NOX5: variants seen among roughly 807,000 people sequenced by gnomAD.
NOX5 encodes NADPH oxidase 5, also known as NADPH oxidase, EF-hand calcium binding domain 5.
A neutral mutation model predicts 85.7 loss-of-function variants in NOX5; 76 were observed. The observed-to-expected ratio is 0.89, with a 90% CI of 0.74 to 1.07. The LOEUF (loss-of-function observed/expected upper bound fraction) is 1.07. Among genes scored for constraint, NOX5 ranks in the 50% least tolerant of loss-of-function variants. The pLI is 0.00. For synonymous variants in NOX5, 405 were observed against 401.4 expected, an observed-to-expected ratio of 1.01 and a Z score of -0.11; for missense variants, 973 against 999.5, an observed-to-expected ratio of 0.97 and a Z score of 0.36.
At chr15:69,021,952 G>A (rs2050300582) in intron 1 of NOX5, among the ~76,000 whole-genome samples, 1 of 152,192 alleles carries the variant, frequency 6.6e-6, no homozygotes, top group African/African-American at 2.4e-5. Flanking sequence ...AGAGGAGCCT[G>A]GGAGAATTTG....
intron 3 of NOX5, 81 bp from the exon 4 acceptor site, chr15:69,031,437 G>A (rs970338530): frequency 2.2e-4 from 324 of 1,459,826 alleles, no homozygotes; most frequent in Non-Finnish European, 2.9e-4. Context: ...TCCTTCAGTT[G>A]CATGGTCTAT....
At position 69,058,164 on chromosome 15, in the gene NOX5, AT is replaced by A. The variant is rs1349412466; in HGVS notation, c.*1469del. Reference sequence around the variant, plus strand: ...TGGGGTTGGAACCAGGCACTTTCCAATGGGATTGTAGCTGGCACCTTTCTTT... The same window carrying A: ...TGGGGTTGGAACCAGGCACTTTCCAAGGGATTGTAGCTGGCACCTTTCTTT... On this transcript the variant is annotated 3_prime_UTR_variant, in exon 16 of 16. Transcript: ENST00000388866. 6.6e-6 allele frequency: 1 copy of A among 152,330 alleles called. No homozygotes were observed. The highest frequency in any genetic ancestry group is 1.5e-5 in the Non-Finnish European group (1 of 68,192). The allele number at this position is 152,330 out of a possible 1,614,324, so 9.4% of individuals were successfully genotyped here.
At chr15:69,050,455 A>G (rs2050733716) in intron 14 of NOX5, among the ~76,000 whole-genome samples, 1 of 152,120 alleles carries the variant, frequency 6.6e-6, no homozygotes, top group African/African-American at 2.4e-5. Flanking sequence ...CCCAGGTGCA[A>G]TCTCGGCTCA....
chr15:69,055,765 TC>T (rs1234443437), intron 15 of NOX5, among the ~76,000 whole-genome samples: 5 of 152,160 alleles, frequency 3.3e-5, no homozygotes, highest in African/African-American at 4.8e-5. Context: ...CAGCCTTGAC[TC>T]CCTATGGACC....
chr15:69,055,233 G>A, intron 14 of NOX5, 101 bp from the exon 15 acceptor site: 2 of 1,294,934 alleles, frequency 1.5e-6, no homozygotes, highest in Non-Finnish European at 2.1e-6. Flanking sequence ...AGACCTATGG[G>A]TCTCCTTCCA....
chr15:69,043,253 G>A (rs2050618759), intron 10 of NOX5, among the ~76,000 whole-genome samples: 1 of 152,044 alleles, frequency 6.6e-6, no homozygotes. Context: ...GTCCAGGTGG[G>A]CCCCTCATCA....
At chr15:69,015,198 T>C (rs561909505) in intron 1 of NOX5, among the ~76,000 whole-genome samples, 1 of 152,290 alleles carries the variant, frequency 6.6e-6, no homozygotes, top group African/African-American at 2.4e-5. Flanking sequence ...GTGAGCACAT[T>C]GTTCCCCTTG....
intron 8 of NOX5, among the ~76,000 whole-genome samples, chr15:69,038,629 C>G (rs2050552560): frequency 6.6e-6 from 1 of 152,088 alleles, no homozygotes; most frequent in African/African-American, 2.4e-5. Context: ...ACCAGGGGCC[C>G]CAATTCAGAC....
At chr15:69,026,980 T>A (rs1387492721) in intron 2 of NOX5, among the ~76,000 whole-genome samples, 1 of 152,204 alleles carries the variant, frequency 6.6e-6, no homozygotes, top group Non-Finnish European at 1.5e-5. Context: ...CTATACCTAT[T>A]AAAGTCCTGT....
chr15:69,030,077 G>A (rs943574079), intron 3 of NOX5: 6 of 152,196 alleles, frequency 3.9e-5, no homozygotes, highest in Non-Finnish European at 7.3e-5. Context: ...ATACTCCACT[G>A]TATGTATCAT....
chr15:69,018,482 A>T (rs917974069), intron 1 of NOX5, among the ~76,000 whole-genome samples: 7 of 152,090 alleles, frequency 4.6e-5, no homozygotes, highest in Admixed American at 4.6e-4. Flanking sequence ...CTGGGACACA[A>T]CCTAGGGAGA....
intron 13 of NOX5, 90 bp from the exon 14 acceptor site, chr15:69,048,869 G>A (rs2050709882): frequency 2.4e-6 from 2 of 836,500 alleles, no homozygotes; most frequent in South Asian, 3.3e-5. Flanking sequence ...CTTACTTCAG[G>A]GTGGTCATAT....
At chr15:69,031,486 G>T in intron 3 of NOX5, 32 bp from the exon 4 acceptor site, 1 of 1,580,454 alleles carries the variant, frequency 6.3e-7, no homozygotes. Context: ...GCTGGAGGTG[G>T]GTAAACAGAA....
At chr15:69,021,679 C>G (rs1364906689) in intron 1 of NOX5, among the ~76,000 whole-genome samples, 1 of 152,124 alleles carries the variant, frequency 6.6e-6, no homozygotes, top group East Asian at 1.9e-4. Context: ...TCTTTGGGAG[C>G]TAATTCATTT....
At chr15:69,043,881 T>A (rs771472965) in intron 10 of NOX5, among the ~76,000 whole-genome samples, 16 of 152,162 alleles carry the variant, frequency 1.1e-4, no homozygotes, top group Non-Finnish European at 2.1e-4. Context: ...ATTTTAGAGA[T>A]GTATTCTTAA....
At position 69,056,570 on chromosome 15, in the gene NOX5, C is replaced by G; in HGVS notation, c.2172C>G (p.Phe724Leu). The G allele has an allele frequency of 6.2e-7, 1 of 1,612,916 alleles. No individual in the cohort carries two copies. Among genetic ancestry groups the G allele is most frequent in the Non-Finnish European group, 8.5e-7 (1 of 1,179,988 alleles). The change falls in exon 16 of 16, where the codon TTC (phenylalanine) becomes TTG (leucine). Residue 724 changes from phenylalanine to leucine, a missense_variant. Transcript: ENST00000388866. The part of the protein sequence containing the change: ...QPGRPDWSKV[F>L]QKVAAEKKGK... ...CTCAACCCCACTGACTCCAGGTGTT[C>G]CAGAAAGTGGCTGCTGAGAAGAAGG...
At chr15:69,017,518 G>C (rs1051793359) in intron 1 of NOX5, among the ~76,000 whole-genome samples, 1 of 152,134 alleles carries the variant, frequency 6.6e-6, no homozygotes, top group African/African-American at 2.4e-5. Context: ...AAAAATCTTT[G>C]AATCTACCTA....
intron 2 of NOX5, among the ~76,000 whole-genome samples, chr15:69,027,010 C>A (rs1024998005): frequency 4.6e-5 from 7 of 152,130 alleles, no homozygotes; most frequent in Non-Finnish European, 8.8e-5. Context: ...CACACTGTTC[C>A]CAGTCCTCCA....
chr15:69,036,673 C>T (rs1005889624), intron 7 of NOX5, among the ~76,000 whole-genome samples: 2 of 152,198 alleles, frequency 1.3e-5, no homozygotes, highest in African/African-American at 4.8e-5. Context: ...GCTATTTCTT[C>T]TCCACTCCCA....
Sources: gnomAD v4.1 joint callset for allele counts (sites outside exome capture counted in the v4.1 genomes callset) on GRCh38, gnomAD v4.1.1 for gene constraint, MANE v1.5 for transcripts, NCBI Gene and HGNC (gene_info 2026-07-23, HGNC 2026-07-21) for gene names.